The following DENND1A variants were observed in gnomAD, a reference collection of about 807,000 sequenced individuals.
The protein encoded by DENND1A is DENN domain containing 1A.
In DENND1A, 51 loss-of-function variants were observed where a neutral mutation model predicts 113.7. That is an observed-to-expected ratio of 0.45 (90% confidence interval 0.36 to 0.57). DENND1A has a LOEUF of 0.57. Among genes scored for constraint, DENND1A ranks in the 20% least tolerant of loss-of-function variants. The pLI, the probability that DENND1A is intolerant of heterozygous loss-of-function variation, is 0.00. For synonymous variants in DENND1A, 565 were observed against 570.8 expected, an observed-to-expected ratio of 0.99 and a Z score of 0.14; for missense variants, 1,258 against 1,395.9, an observed-to-expected ratio of 0.90 and a Z score of 1.57.
At chr9:123,630,574 T>C in intron 9 of DENND1A, 98 bp from the exon 10 acceptor site, 1 of 766,444 alleles carries the variant, frequency 1.3e-6, no homozygotes, top group Non-Finnish European at 1.9e-6. Flanking sequence ...TCAATATGTT[T>C]ACATGATAAG....
chr9:123,620,775 C>T (rs910272691), intron 10 of DENND1A, among the ~76,000 whole-genome samples: 1 of 149,588 alleles, frequency 6.7e-6, no homozygotes, highest in South Asian at 2.1e-4. Flanking sequence ...TGGTCCTTAT[C>T]CCCTCCCACC....
intron 1 of DENND1A, among the ~76,000 whole-genome samples, chr9:123,912,750 C>A (rs910874322): frequency 3.3e-5 from 5 of 152,084 alleles, no homozygotes; most frequent in African/African-American, 1.2e-4. Flanking sequence ...CTGGCAGTAA[C>A]GAGGTTCCCC....
chr9:123,736,114 T>C (rs1286802022), intron 5 of DENND1A, among the ~76,000 whole-genome samples: 2 of 152,226 alleles, frequency 1.3e-5, no homozygotes, highest in African/African-American at 4.8e-5. Flanking sequence ...AAAATCCTTA[T>C]AGTAACTATA....
intron 15 of DENND1A, among the ~76,000 whole-genome samples, 196 bp downstream of exon 15, chr9:123,457,152 T>C (rs16926493): frequency 0.39 from 59,255 of 152,096 alleles, 12,408 homozygotes; most frequent in African/African-American, 0.56. Context: ...GATCCTAGGC[T>C]GGGCGACTTC....
At chr9:123,525,409 A>T (rs774048828) in intron 13 of DENND1A, among the ~76,000 whole-genome samples, 3 of 152,210 alleles carry the variant, frequency 2.0e-5, no homozygotes, top group East Asian at 1.9e-4. Flanking sequence ...CATCTCTGAA[A>T]AACATGCTAA....
chr9:123,442,936 A>C (rs570363320), intron 18 of DENND1A, among the ~76,000 whole-genome samples: 184 of 152,286 alleles, frequency 1.2e-3, no homozygotes, highest in Non-Finnish European at 2.0e-3. Flanking sequence ...CACTGTGCAA[A>C]TTGAACCTCA....
At chr9:123,514,683 T>C (rs1160077800) in intron 13 of DENND1A, among the ~76,000 whole-genome samples, 1 of 152,172 alleles carries the variant, frequency 6.6e-6, no homozygotes, top group East Asian at 1.9e-4. Context: ...TGGACTGGAA[T>C]AGGAACCATT....
At chr9:123,484,441 A>G (rs561437638) in intron 13 of DENND1A, among the ~76,000 whole-genome samples, 137 of 152,232 alleles carry the variant, frequency 9.0e-4, no homozygotes, top group African/African-American at 3.2e-3. Flanking sequence ...AATGGTTATC[A>G]TGCCTTTAGC....
chr9:123,397,575 C>T (rs2043199408), intron 21 of DENND1A, among the ~76,000 whole-genome samples: 1 of 152,208 alleles, frequency 6.6e-6, no homozygotes, highest in South Asian at 2.1e-4. Context: ...AGATCCTCTG[C>T]AGTCACAGAC....
intron 11 of DENND1A, among the ~76,000 whole-genome samples, chr9:123,583,687 G>C (rs565762591): frequency 6.6e-6 from 1 of 152,204 alleles, no homozygotes; most frequent in Admixed American, 6.5e-5. Context: ...TTTAACAAAG[G>C]CTACTTGCCC....
In DENND1A at chr9:123,546,184, A is replaced by G. The variant is rs7020347; in HGVS notation, c.993+11386T>C. Among the ~76,000 whole-genome samples the G allele has an allele frequency of 4.8e-3, 726 of 152,176 alleles. 13 individuals are homozygous for G. The highest frequency in any genetic ancestry group is 0.017 in the African/African-American group (699 of 41,462). ...CTGTGCCTTCGCTTTACATTTACACATTCGTGATGTGGTGTTTGTGTGGCT... is the reference window on the plus strand; with the variant it reads ...CTGTGCCTTCGCTTTACATTTACACGTTCGTGATGTGGTGTTTGTGTGGCT... On this transcript the variant is annotated intron_variant, in intron 13 of 23. Transcript: ENST00000394215.
At chr9:123,702,930 C>T (rs994010797) in intron 5 of DENND1A, among the ~76,000 whole-genome samples, 4 of 152,158 alleles carry the variant, frequency 2.6e-5, no homozygotes, top group African/African-American at 9.7e-5. Flanking sequence ...ATGTAAGTCC[C>T]TTATATCAAG....
At chr9:123,699,251 T>A (rs556230351) in intron 5 of DENND1A, among the ~76,000 whole-genome samples, 1 of 152,346 alleles carries the variant, frequency 6.6e-6, no homozygotes, top group South Asian at 2.1e-4. Flanking sequence ...ATGGAACACC[T>A]TCATGACTTA....
intron 19 of DENND1A, among the ~76,000 whole-genome samples, chr9:123,439,412 C>T (rs1475994129): frequency 2.0e-5 from 3 of 152,138 alleles, no homozygotes; most frequent in South Asian, 2.1e-4. Flanking sequence ...TTGTGAGTTT[C>T]GTTCATTTCT....
rs537784408 is a variant in DENND1A at position 123,539,602 on chromosome 9, G to GT, written c.993+17967dup. 3.9e-4 allele frequency among the ~76,000 whole-genome samples: 60 copies of GT among 152,212 alleles called. No homozygotes were observed. In the East Asian group the frequency reaches 0.011, roughly 28 times the overall value. ...GGTGGGCAGGAAAGTTCTGTTTCTT[G>GT]TTTTGGAAAGTGTTGGTCTTATAAA... On this transcript the variant is annotated intron_variant, in intron 13 of 23. Coordinates refer to ENST00000394215, the MANE Select transcript of DENND1A (RefSeq NM_001352964.2).
At chr9:123,526,320 G>A (rs1446490809) in intron 13 of DENND1A, among the ~76,000 whole-genome samples, 1 of 152,064 alleles carries the variant, frequency 6.6e-6, no homozygotes, top group South Asian at 2.1e-4. Context: ...TCAGTCCCAC[G>A]GCCAATCCAC....
intron 2 of DENND1A, among the ~76,000 whole-genome samples, chr9:123,848,867 T>C (rs1254876077): frequency 6.6e-6 from 1 of 152,226 alleles, no homozygotes; most frequent in Non-Finnish European, 1.5e-5. Context: ...AGCCACAACA[T>C]TCCCTTACAC....
intron 13 of DENND1A, among the ~76,000 whole-genome samples, chr9:123,477,841 G>A (rs1015945621): frequency 2.6e-5 from 4 of 152,048 alleles, no homozygotes; most frequent in Non-Finnish European, 5.9e-5. Flanking sequence ...CCTGCTCGGG[G>A]ACTGCCTCAG....
At chr9:123,543,022 G>C (rs2056399990) in intron 13 of DENND1A, among the ~76,000 whole-genome samples, 1 of 152,244 alleles carries the variant, frequency 6.6e-6, no homozygotes. Flanking sequence ...CCTGAGCTGG[G>C]AAAGCCGAAT....
Sources: allele counts gnomAD v4.1 joint callset (sites outside exome capture counted in the v4.1 genomes callset), GRCh38; gene constraint gnomAD v4.1.1; transcripts MANE v1.5; gene names NCBI Gene and HGNC (gene_info 2026-07-23, HGNC 2026-07-21).